ANK2: variants seen among roughly 807,000 people sequenced by gnomAD.
ANK2 encodes ankyrin-2.
A neutral mutation model predicts 360.5 loss-of-function variants in ANK2; 83 were observed. The observed-to-expected ratio is 0.23, with a 90% CI of 0.19 to 0.28. The LOEUF (loss-of-function observed/expected upper bound fraction) is 0.28, where lower values mean the gene tolerates loss of function less well. Ranked by LOEUF, ANK2 falls within the 10% of genes least tolerant of loss-of-function variation. ANK2 has a pLI of 1.00. For missense variants in ANK2, 4,201 were observed against 4,795.7 expected (o/e 0.88, Z 3.66); for synonymous variants, 1,740 against 1,759.5 (o/e 0.99, Z 0.28).
At chr4:112,924,382 G>A (rs1026639034) in intron 2 of ANK2, among the ~76,000 whole-genome samples, 2 of 148,926 alleles carry the variant, frequency 1.3e-5, no homozygotes, top group Admixed American at 6.7e-5. Flanking sequence ...AAAAAAAAAA[G>A]AAAAACAGAA....
the ANK2 span, among the ~76,000 whole-genome samples, chr4:112,771,773 G>C: frequency 1.3e-5 from 2 of 152,076 alleles, no homozygotes; most frequent in Non-Finnish European, 2.9e-5. Flanking sequence ...TTTTAGTAGA[G>C]ACAGAGTTTC....
intron 14 of ANK2, among the ~76,000 whole-genome samples, chr4:113,273,607 G>T (rs2059255363): frequency 6.6e-6 from 1 of 152,144 alleles, no homozygotes; most frequent in Non-Finnish European, 1.5e-5. Flanking sequence ...ATGCCCTTGG[G>T]CAGATAGTAA....
chr4:113,174,373 A>G, intron 1 of ANK2, 43 bp from the exon 2 acceptor site: 2 of 1,483,694 alleles, frequency 1.3e-6, no homozygotes, highest in Non-Finnish European at 1.9e-6. Flanking sequence ...ATACATTTCT[A>G]TTTCATCAAT....
At chr4:112,706,149 G>C in the ANK2 span, among the ~76,000 whole-genome samples, 1 of 151,610 alleles carries the variant, frequency 6.6e-6, no homozygotes, top group Non-Finnish European at 1.5e-5. Context: ...CAGGAAGATG[G>C]CTTCTCCCAC....
chr4:113,281,302 C>G (rs2062216419), intron 17 of ANK2, among the ~76,000 whole-genome samples: 2 of 151,996 alleles, frequency 1.3e-5, no homozygotes, highest in South Asian at 4.2e-4. Flanking sequence ...CTTTAGGGGG[C>G]CAAGGTGGGC....
chr4:112,813,656 A>G (rs1412018581), upstream of ANK2, among the ~76,000 whole-genome samples: 2 of 151,956 alleles, frequency 1.3e-5, no homozygotes, highest in African/African-American at 4.8e-5. Context: ...CTGCCTCAGC[A>G]TCCTGAGTAG....
At chr4:113,103,597 C>T (rs2093239428) in intron 1 of ANK2, among the ~76,000 whole-genome samples, 1 of 152,100 alleles carries the variant, frequency 6.6e-6, no homozygotes, top group Non-Finnish European at 1.5e-5. Flanking sequence ...TTCTGCTTAG[C>T]ACTAATCAAA....
At chr4:113,306,321 A>G (rs545213756) in intron 23 of ANK2, among the ~76,000 whole-genome samples, 1 of 152,324 alleles carries the variant, frequency 6.6e-6, no homozygotes, top group East Asian at 1.9e-4. Flanking sequence ...GGATTAGATA[A>G]GGAACAGTAT....
chr4:113,033,409 T>G (rs1187362513), intron 2 of ANK2, among the ~76,000 whole-genome samples: 3 of 151,984 alleles, frequency 2.0e-5, no homozygotes, highest in Admixed American at 2.0e-4. Flanking sequence ...GCTCAAGGTC[T>G]GTAATGGCAT....
At chr4:113,325,956 CTTAAG>C (rs1392549948) in intron 26 of ANK2, among the ~76,000 whole-genome samples, 1 of 152,126 alleles carries the variant, frequency 6.6e-6, no homozygotes, top group Non-Finnish European at 1.5e-5. Flanking sequence ...TATGTTTTTA[CTTAAG>C]TTATTTTCAT....
chr4:113,223,446 G>A (rs1224387035), intron 4 of ANK2, among the ~76,000 whole-genome samples: 1 of 152,138 alleles, frequency 6.6e-6, no homozygotes, highest in Middle Eastern at 3.2e-3. Flanking sequence ...GTAACTTATT[G>A]AGTGTGTTTT....
the ANK2 span, among the ~76,000 whole-genome samples, chr4:112,728,390 A>G: frequency 6.6e-6 from 1 of 152,060 alleles, no homozygotes; most frequent in Non-Finnish European, 1.5e-5. Flanking sequence ...GAACCTAGAA[A>G]CAAATTTGAT....
chr4:113,376,441 G>A (rs2096936930), intron 45 of ANK2, among the ~76,000 whole-genome samples: 1 of 152,202 alleles, frequency 6.6e-6, no homozygotes, highest in Non-Finnish European at 1.5e-5. Context: ...AGGACTGGAG[G>A]TTGCTCTGGG....
the ANK2 span, among the ~76,000 whole-genome samples, chr4:112,801,856 A>C: frequency 6.6e-6 from 1 of 152,264 alleles, no homozygotes; most frequent in Middle Eastern, 3.4e-3. Flanking sequence ...GCAGTTGAAG[A>C]AAGGTGTATC....
chr4:113,126,129 G>T (rs2095646853), intron 1 of ANK2, among the ~76,000 whole-genome samples: 1 of 152,136 alleles, frequency 6.6e-6, no homozygotes, highest in Non-Finnish European at 1.5e-5. Context: ...TTCTCCTGAA[G>T]TTTATTCTCA....
chr4:112,958,178 C>T (rs866743142), intron 2 of ANK2, among the ~76,000 whole-genome samples: 8 of 152,290 alleles, frequency 5.3e-5, no homozygotes, highest in African/African-American at 1.9e-4. Flanking sequence ...AGGCTCCTCA[C>T]TTCCCAGACG....
the ANK2 span, among the ~76,000 whole-genome samples, chr4:112,743,827 G>A: frequency 2.0e-5 from 3 of 151,684 alleles, no homozygotes; most frequent in East Asian, 5.8e-4. Flanking sequence ...TTACAGGCGT[G>A]AGCCACCATG....
At chr4:112,772,257 C>A in the ANK2 span, among the ~76,000 whole-genome samples, 2 of 152,120 alleles carry the variant, frequency 1.3e-5, no homozygotes, top group African/African-American at 4.8e-5. Context: ...TGGTGGCAGA[C>A]AAGAGAGAAT....
intron 2 of ANK2, among the ~76,000 whole-genome samples, chr4:112,930,427 C>T (rs1296623249): frequency 1.4e-5 from 2 of 147,906 alleles, no homozygotes; most frequent in African/African-American, 2.5e-5. Flanking sequence ...CCAGCCTGGG[C>T]GACAGAGCCA....
Sources: gnomAD v4.1 joint callset for allele counts (sites outside exome capture counted in the v4.1 genomes callset) on GRCh38, gnomAD v4.1.1 for gene constraint, MANE v1.5 for transcripts, NCBI Gene and HGNC (gene_info 2026-07-23, HGNC 2026-07-21) for gene names.